The following ABCB5 variants were observed in gnomAD, a reference collection of about 807,000 sequenced individuals.
ABCB5 encodes ATP-binding cassette sub-family B member 5.
A neutral mutation model predicts 144.2 loss-of-function variants in ABCB5; 155 were observed. The ratio of observed to expected loss-of-function variants is 1.08; its 90% CI spans 0.94 to 1.23. The LOEUF is 1.23. Among genes scored for constraint, ABCB5 ranks in the 50% most tolerant of loss-of-function variants. The probability of loss-of-function intolerance (pLI) is 0.00; values close to 1 mark genes in which losing one functional copy is unlikely to be tolerated. For missense variants in ABCB5, 1,830 were observed against 1,520.8 expected, an observed-to-expected ratio of 1.20 and a Z score of -3.38; for synonymous variants, 610 against 528.6, an observed-to-expected ratio of 1.15 and a Z score of -2.11.
At chr7:20,677,107 C>G (rs187118783) in intron 14 of ABCB5, among the ~76,000 whole-genome samples, 43 of 152,270 alleles carry the variant, frequency 2.8e-4, no homozygotes, top group Non-Finnish European at 4.7e-4. Context: ...ACAGTGTGGA[C>G]TTCACTCCTA....
chr7:20,719,614 C>T (rs1039251301), intron 20 of ABCB5, among the ~76,000 whole-genome samples: 8 of 152,196 alleles, frequency 5.3e-5, no homozygotes, highest in East Asian at 3.9e-4. Context: ...TTTGCAGCCC[C>T]GATATTATGA....
chr7:20,742,505 C>A (rs1782592557), intron 24 of ABCB5, among the ~76,000 whole-genome samples: 1 of 152,168 alleles, frequency 6.6e-6, no homozygotes, highest in African/African-American at 2.4e-5. Context: ...CCCAGCTCTT[C>A]TGAATTAAGC....
chr7:20,653,883 G>A (rs1784683150), intron 13 of ABCB5, among the ~76,000 whole-genome samples: 1 of 152,232 alleles, frequency 6.6e-6, no homozygotes, highest in Non-Finnish European at 1.5e-5. Flanking sequence ...GTGCAGCGCA[G>A]CTGGAATGGA....
At chr7:20,654,891 G>A (rs1254593659) in intron 13 of ABCB5, among the ~76,000 whole-genome samples, 5 of 151,944 alleles carry the variant, frequency 3.3e-5, no homozygotes. Flanking sequence ...TCTACAGTCT[G>A]CAAACCTAAT....
Position 20,727,141 on chromosome 7 carries a change from G to A in ABCB5, c.2726+1G>A. 1 of 1,611,052 alleles carries A rather than the reference G, an allele frequency of 6.2e-7. No individual in the cohort carries two copies. The highest frequency in any genetic ancestry group is 1.7e-4 in the Middle Eastern group (1 of 6,042). ...AAGAGATGCTTCAGACTCAACACAG[G>A]TGATTATAGATTCATACTGACTTCA... On this transcript the variant is annotated splice_donor_variant, in intron 22 of 27. Transcript: ENST00000404938. LOFTEE classifies it high-confidence loss of function.
chr7:20,672,013 T>C (rs1415271081), intron 14 of ABCB5, among the ~76,000 whole-genome samples: 1 of 152,236 alleles, frequency 6.6e-6, no homozygotes, highest in African/African-American at 2.4e-5. Flanking sequence ...TGAAGAAATG[T>C]ATAGTAGTAT....
In ABCB5 at chr7:20,619,236, G is replaced by A. The variant is rs556463084; in HGVS notation, c.-22+3399G>A. On this transcript the variant is annotated intron_variant, in intron 1 of 27. Coordinates refer to ENST00000404938, the MANE Select transcript of ABCB5 (RefSeq NM_001163941.2). ...AATTGTTGGGTTGAATGGTAGTTCT[G>A]TTTTAAGTTCTTTGAGAAATCACCA... 4.6e-5 allele frequency among the ~76,000 whole-genome samples: 7 copies of A among 152,274 alleles called. No homozygotes were observed. The South Asian group carries it at 1.0e-3, about 23-fold the overall frequency.
rs760904583 is a variant in ABCB5, at chr7:20,632,067, C to G, written c.268C>G (p.Gln90Glu). The change falls in exon 5 of 28, where the codon CAG (glutamine) becomes GAG (glutamate). Residue 90 changes from glutamine (Q) to glutamate (E), a missense_variant. Transcript: ENST00000404938. ...CLVQTNTTNY[Q>E]NCTQSQEKLN... is the part of the protein sequence containing the mutation. ...AATAACCTTTTTTACAGCAAATTATCAGAACTGTACTCAGTCTCAAGAGAA... is the reference window on the plus strand; with the variant it reads ...AATAACCTTTTTTACAGCAAATTATGAGAACTGTACTCAGTCTCAAGAGAA... The G allele has an allele frequency of 1.4e-5, 21 of 1,513,460 alleles. No individual in the cohort carries two copies. The highest frequency in any genetic ancestry group is 1.8e-5 in the Non-Finnish European group (20 of 1,129,114). The allele number at this position is 1,513,460 out of a possible 1,614,324, so 93.8% of individuals were successfully genotyped here.
chr7:20,656,912 CTTTTTTTTT>C (rs749816471), intron 13 of ABCB5, among the ~76,000 whole-genome samples: 1 of 58,582 alleles, frequency 1.7e-5, no homozygotes. Flanking sequence ...TTTCCTTTTT[CTTTTTTTTT>C]TTTTTTTTTT....
rs764301831 is a variant in ABCB5, at chr7:20,681,603, G to C, written c.1806G>C (p.Glu602Asp). Residue 602 changes from glutamate to aspartate, a missense_variant, in exon 15 of 28, where the codon GAG becomes GAC. Physicochemically the swap from Glu to Asp is conservative, Grantham distance 45. Coordinates refer to ENST00000404938, the MANE Select transcript of ABCB5 (RefSeq NM_001163941.2). ...IVTLKDGMLA[E>D]KGAHAELMAK... ...CCCTAAAGGATGGAATGCTGGCGGAGAAAGGAGCACATGCTGAACTAATGG... is the reference window on the plus strand; with the variant it reads ...CCCTAAAGGATGGAATGCTGGCGGACAAAGGAGCACATGCTGAACTAATGG... The C allele has an allele frequency of 2.5e-6, 4 of 1,614,180 alleles. No homozygotes were observed. The highest frequency in any genetic ancestry group is 1.6e-4 in the Middle Eastern group (1 of 6,062).
At chr7:20,695,694 T>C (rs954794482) in intron 16 of ABCB5, among the ~76,000 whole-genome samples, 1 of 151,776 alleles carries the variant, frequency 6.6e-6, no homozygotes, top group Non-Finnish European at 1.5e-5. Flanking sequence ...ATCCAAAAAA[T>C]ATAAAGAACT....
At chr7:20,747,246 C>T (rs1317613301) in intron 26 of ABCB5, among the ~76,000 whole-genome samples, 3 of 152,116 alleles carry the variant, frequency 2.0e-5, no homozygotes, top group Non-Finnish European at 4.4e-5. Flanking sequence ...GAAATGCTGC[C>T]CAATTGATAT....
At chr7:20,721,483 T>C (rs892146821) in intron 20 of ABCB5, among the ~76,000 whole-genome samples, 1 of 152,226 alleles carries the variant, frequency 6.6e-6, no homozygotes, top group African/African-American at 2.4e-5. Flanking sequence ...ATGAGAATTA[T>C]GGTTACTATT....
At chr7:20,616,520 C>T (rs193231167) in intron 1 of ABCB5, among the ~76,000 whole-genome samples, 28 of 152,222 alleles carry the variant, frequency 1.8e-4, no homozygotes, top group Admixed American at 9.8e-4. Flanking sequence ...TTTTTTAAGG[C>T]AAAAGTCCTT....
intron 19 of ABCB5, among the ~76,000 whole-genome samples, chr7:20,701,243 A>G (rs1468599033): frequency 2.0e-5 from 3 of 152,240 alleles, no homozygotes. Context: ...TTTTTAATTT[A>G]TGAATACTTT....
chr7:20,729,265 C>A (rs1396160867), intron 23 of ABCB5, among the ~76,000 whole-genome samples: 1 of 152,138 alleles, frequency 6.6e-6, no homozygotes. Flanking sequence ...TTTACTGGAA[C>A]ATGGGAATGT....
At chr7:20,664,621 T>A (rs1785111800) in intron 14 of ABCB5, among the ~76,000 whole-genome samples, 1 of 152,218 alleles carries the variant, frequency 6.6e-6, no homozygotes, top group Non-Finnish European at 1.5e-5. Flanking sequence ...CTCAATGTAT[T>A]ATTTACCAAG....
At chr7:20,696,327 A>G (rs1290356079) in intron 16 of ABCB5, among the ~76,000 whole-genome samples, 3 of 152,128 alleles carry the variant, frequency 2.0e-5, no homozygotes, top group Non-Finnish European at 4.4e-5. Flanking sequence ...GGAGTAGATA[A>G]TGTATGATTT....
At chr7:20,726,086 T>G (rs10260951) in intron 21 of ABCB5, among the ~76,000 whole-genome samples, 2,063 of 152,306 alleles carry the variant, frequency 0.014, 44 homozygotes, top group African/African-American at 0.042. Flanking sequence ...TCCGAAAAGC[T>G]ATTCTAAACC....
Sources: allele counts gnomAD v4.1 joint callset (sites outside exome capture counted in the v4.1 genomes callset), GRCh38; gene constraint gnomAD v4.1.1; transcripts MANE v1.5; gene names NCBI Gene and HGNC (gene_info 2026-07-23, HGNC 2026-07-21).